Variants in SGCZ observed in about 807,000 individuals in gnomAD.
SGCZ encodes zeta-sarcoglycan.
A neutral mutation model predicts 41.3 loss-of-function variants in SGCZ; 40 were observed. That is an observed-to-expected ratio of 0.97 (90% confidence interval 0.75 to 1.26). The LOEUF (loss-of-function observed/expected upper bound fraction) is 1.26. Among genes scored for constraint, SGCZ ranks in the 50% most tolerant of loss-of-function variants. SGCZ has a pLI of 0.00. For synonymous variants in SGCZ, 206 were observed against 137.5 expected (o/e 1.50, Z -3.49); for missense variants, 552 against 369.8 (o/e 1.49, Z -4.04).
At chr8:14,102,747 C>G (rs184207930) in intron 6 of SGCZ, among the ~76,000 whole-genome samples, 44 of 152,132 alleles carry the variant, frequency 2.9e-4, no homozygotes, top group Admixed American at 2.2e-3. Context: ...TATTTACTCT[C>G]ACTTTCATGA....
chr8:14,239,224 C>T (rs1235497233), intron 3 of SGCZ, among the ~76,000 whole-genome samples: 1 of 146,024 alleles, frequency 6.8e-6, no homozygotes, highest in Non-Finnish European at 1.5e-5. Flanking sequence ...TTGATAATGA[C>T]ATAAAGATGA....
At chr8:14,865,326 T>C (rs535527991) in intron 1 of SGCZ, among the ~76,000 whole-genome samples, 2 of 152,022 alleles carry the variant, frequency 1.3e-5, no homozygotes, top group African/African-American at 2.4e-5. Flanking sequence ...TGTCCTGGGT[T>C]CTTTTTTCCA....
At chr8:14,433,069 G>T (rs73188352) in intron 2 of SGCZ, among the ~76,000 whole-genome samples, 31,519 of 151,860 alleles carry the variant, frequency 0.21, 3,819 homozygotes, top group Non-Finnish European at 0.28. Context: ...AAAATATATG[G>T]CTTTCTTCAA....
chr8:14,192,889 ATACTT>A (rs1805148506), intron 4 of SGCZ, among the ~76,000 whole-genome samples: 1 of 152,108 alleles, frequency 6.6e-6, no homozygotes, highest in African/African-American at 2.4e-5. Context: ...TCTTGAGACT[ATACTT>A]TATACATTAT....
chr8:15,072,416 C>G (rs540224883), intron 1 of SGCZ, among the ~76,000 whole-genome samples: 1 of 152,176 alleles, frequency 6.6e-6, no homozygotes, highest in Non-Finnish European at 1.5e-5. Context: ...CTTTGGAACT[C>G]CAAATTCCTC....
chr8:14,111,480 G>C (rs1323755265), intron 5 of SGCZ, among the ~76,000 whole-genome samples: 1 of 152,050 alleles, frequency 6.6e-6, no homozygotes, highest in South Asian at 2.1e-4. Context: ...AGGACAAAAG[G>C]AACACAACAG....
intron 1 of SGCZ, among the ~76,000 whole-genome samples, chr8:14,889,116 T>A (rs1004938717): frequency 6.6e-6 from 1 of 152,186 alleles, no homozygotes; most frequent in African/African-American, 2.4e-5. Flanking sequence ...CATATATTCT[T>A]CTGCTGCAGT....
intron 4 of SGCZ, among the ~76,000 whole-genome samples, chr8:14,220,096 C>T (rs1017137922): frequency 6.6e-6 from 1 of 152,110 alleles, no homozygotes; most frequent in Non-Finnish European, 1.5e-5. Flanking sequence ...CCTAATAGAT[C>T]GGTGCTTCTA....
At chr8:14,434,948 G>A (rs923075478) in intron 2 of SGCZ, among the ~76,000 whole-genome samples, 2 of 152,008 alleles carry the variant, frequency 1.3e-5, no homozygotes, top group Non-Finnish European at 2.9e-5. Flanking sequence ...TTGGGGAGTT[G>A]ATCTTAGACT....
intron 2 of SGCZ, among the ~76,000 whole-genome samples, chr8:14,438,907 C>T (rs549311080): frequency 1.3e-4 from 20 of 152,014 alleles, no homozygotes; most frequent in African/African-American, 4.8e-4. Context: ...TTATAATGAT[C>T]TTGTAAGAGA....
intron 2 of SGCZ, among the ~76,000 whole-genome samples, chr8:14,326,383 G>A (rs1392833467): frequency 6.6e-6 from 1 of 151,928 alleles, no homozygotes; most frequent in Admixed American, 6.6e-5. Flanking sequence ...CAGAAAATAC[G>A]TTATAGAAAA....
chr8:14,778,265 G>T (rs142724938), intron 1 of SGCZ, among the ~76,000 whole-genome samples: 1 of 152,078 alleles, frequency 6.6e-6, no homozygotes, highest in African/African-American at 2.4e-5. Context: ...GGGGCCTTCA[G>T]GAGTACAGAA....
intron 1 of SGCZ, among the ~76,000 whole-genome samples, chr8:14,682,459 G>T (rs1276032913): frequency 1.4e-5 from 2 of 140,986 alleles, no homozygotes; most frequent in African/African-American, 5.1e-5. Context: ...TTTTGAGACA[G>T]AGTCTTGCTC....
intron 4 of SGCZ, among the ~76,000 whole-genome samples, chr8:14,176,767 A>G (rs1804555453): frequency 6.6e-6 from 1 of 152,084 alleles, no homozygotes; most frequent in South Asian, 2.1e-4. Flanking sequence ...CATTATGGAG[A>G]GTATCTGAGA....
chr8:14,139,616 A>T (rs1213114970), intron 5 of SGCZ, among the ~76,000 whole-genome samples: 1 of 152,180 alleles, frequency 6.6e-6, no homozygotes, highest in Non-Finnish European at 1.5e-5. Flanking sequence ...CTGGACACAT[A>T]CACCCTCGCA....
intron 2 of SGCZ, among the ~76,000 whole-genome samples, chr8:14,534,266 G>C (rs988049916): frequency 5.9e-5 from 9 of 151,972 alleles, no homozygotes; most frequent in African/African-American, 1.7e-4. Flanking sequence ...AGCAGGTGCA[G>C]AAACAGAAGA....
intron 1 of SGCZ, among the ~76,000 whole-genome samples, chr8:14,708,812 A>AGTGTGTGTGTGT (rs61049816): frequency 0.077 from 11,403 of 148,604 alleles, 623 homozygotes; most frequent in East Asian, 0.15. Context: ...GTTTTATTCG[A>AGTGTGTGTGTGT]GTGTGTGTGT....
chr8:14,915,431 C>A (rs1375146373), intron 1 of SGCZ, among the ~76,000 whole-genome samples: 2 of 152,106 alleles, frequency 1.3e-5, no homozygotes, highest in African/African-American at 4.8e-5. Context: ...TAACAATGAG[C>A]AGCTTGTAAA....
At chr8:14,384,054 T>C (rs1389610207) in intron 2 of SGCZ, among the ~76,000 whole-genome samples, 1 of 152,020 alleles carries the variant, frequency 6.6e-6, no homozygotes, top group Non-Finnish European at 1.5e-5. Context: ...CATATTGGTG[T>C]GCTGCACCCA....
Sources: gnomAD v4.1 joint callset for allele counts (sites outside exome capture counted in the v4.1 genomes callset) on GRCh38, gnomAD v4.1.1 for gene constraint, MANE v1.5 for transcripts, NCBI Gene and HGNC (gene_info 2026-07-23, HGNC 2026-07-21) for gene names.